EMX1: variants seen among roughly 807,000 people sequenced by gnomAD.
EMX1 encodes the protein empty spiracles homeobox 1, also known as homeobox protein EMX1.
EMX1 carries 10 observed loss-of-function variants against 20.1 expected under a neutral mutation model. The ratio of observed to expected loss-of-function variants is 0.50; its 90% CI spans 0.31 to 0.84. EMX1 has a LOEUF of 0.84. EMX1 is among the 40% of genes least tolerant of loss of function. The pLI, the probability that EMX1 is intolerant of heterozygous loss-of-function variation, is 0.05. For missense variants in EMX1, 424 were observed against 431.9 expected, an observed-to-expected ratio of 0.98 and a Z score of 0.16; for synonymous variants, 250 against 200.4, an observed-to-expected ratio of 1.25 and a Z score of -2.09.
intron 2 of EMX1, chr2:72,933,567 C>T (rs1379405772): frequency 3.5e-6 from 2 of 575,710 alleles, no homozygotes; most frequent in Admixed American, 6.2e-5. Flanking sequence ...CCACCCTTCT[C>T]TCTGGCCCAC....
chr2:72,931,759 C>A (rs1671289265), intron 2 of EMX1, among the ~76,000 whole-genome samples: 1 of 152,258 alleles, frequency 6.6e-6, no homozygotes, highest in African/African-American at 2.4e-5. Context: ...CGAGGCCGGG[C>A]ACCAACCCTT....
At chr2:72,916,784 G>A, upstream of EMX1, 1 of 717,346 alleles carries the variant, frequency 1.4e-6, no homozygotes, top group South Asian at 1.5e-5. Context: ...GAGCCTCAGA[G>A]AAGGCGAGGG....
chr2:72,931,347 A>G (rs10196456), intron 2 of EMX1, among the ~76,000 whole-genome samples: 49,012 of 152,134 alleles, frequency 0.32, 10,672 homozygotes, highest in African/African-American at 0.62. Flanking sequence ...TTGGAAATGC[A>G]TGTGGAAAGA....
chr2:72,917,727 C>T lies in EMX1; in HGVS notation c.-126C>T. The T allele has an allele frequency of 1.1e-6, 1 of 927,914 alleles. No individual in the cohort carries two copies. Among genetic ancestry groups the T allele is most frequent in the Non-Finnish European group, 1.4e-6 (1 of 726,018 alleles). The allele number at this position is 927,914 out of a possible 1,614,324, so 57.5% of individuals were successfully genotyped here. A position where few individuals can be genotyped will look rare whatever the true frequency, so the allele number is the denominator to read the frequency against. ...CGCCGCAGCAGCCGCCGCGCCTGGC[C>T]GTACGCTGTGGCCGGACCCCGCGGT... On this transcript the variant is annotated 5_prime_UTR_variant, in exon 1 of 3. Transcript: ENST00000258106.
intron 1 of EMX1, among the ~76,000 whole-genome samples, chr2:72,922,361 A>G (rs1050597025): frequency 2.0e-5 from 3 of 151,960 alleles, no homozygotes; most frequent in Non-Finnish European, 2.9e-5. Context: ...CAGGCTCCAT[A>G]TTTTTCTGCC....
At chr2:72,920,830 C>A (rs569251955) in intron 1 of EMX1, among the ~76,000 whole-genome samples, 1 of 152,314 alleles carries the variant, frequency 6.6e-6, no homozygotes, top group African/African-American at 2.4e-5. Flanking sequence ...CAGGAGTGGG[C>A]CGCATTTCGG....
chr2:72,925,809 C>G (rs2105267444), intron 2 of EMX1: 1 of 985,410 alleles, frequency 1.0e-6, no homozygotes, highest in East Asian at 1.1e-4. Context: ...CATCTATTGT[C>G]GTCATATCTG....
chr2:72,933,649 C>A, intron 2 of EMX1, 138 bp from the exon 3 acceptor site: 2 of 1,094,538 alleles, frequency 1.8e-6, no homozygotes, highest in Non-Finnish European at 1.3e-6. Context: ...TCAGAGGGGA[C>A]CCCGGCCTGG....
intron 2 of EMX1, among the ~76,000 whole-genome samples, chr2:72,927,056 G>A (rs115910010): frequency 4.3e-4 from 65 of 151,956 alleles, no homozygotes; most frequent in South Asian, 1.7e-3. Context: ...GTCCCACCCC[G>A]TAGCTGTTTT....
At chr2:72,919,590 A>T (rs1333373217) in intron 1 of EMX1, among the ~76,000 whole-genome samples, 2 of 152,202 alleles carry the variant, frequency 1.3e-5, no homozygotes, top group African/African-American at 2.4e-5. Context: ...ATCTCTTGAC[A>T]CTTTGACTTT....
At position 72,930,450 on chromosome 2, in the gene EMX1, C is replaced by A. The variant is rs561324416; in HGVS notation, c.706-3337C>A. ...AATGGAGACTTTTGGAAGGATGTGG[C>A]CTCTGAGAAACTGAGATGTTCACTT... On this transcript the variant is annotated intron_variant, in intron 2 of 2. Transcript: ENST00000258106. This position sits in a 1 kb window ranked among gnomAD's most constrained non-coding sequence, Gnocchi z 4.4. 2.6e-5 allele frequency among the ~76,000 whole-genome samples: 4 copies of A among 152,104 alleles called. No individual in the cohort carries two copies. Among genetic ancestry groups the A allele is most frequent in the African/African-American group, 9.7e-5 (4 of 41,418 alleles).
At chr2:72,918,679 C>T (rs922359943) in intron 1 of EMX1, among the ~76,000 whole-genome samples, 18 of 152,238 alleles carry the variant, frequency 1.2e-4, no homozygotes, top group Non-Finnish European at 2.4e-4. Context: ...GCCCAATTCT[C>T]TCTCCCAGCT....
intron 2 of EMX1, among the ~76,000 whole-genome samples, chr2:72,931,818 T>A (rs900301444): frequency 7.2e-5 from 11 of 152,250 alleles, no homozygotes; most frequent in Non-Finnish European, 1.3e-4. Context: ...AGGCACTGAA[T>A]GCCAGCTGCC....
upstream of EMX1, among the ~76,000 whole-genome samples, chr2:72,917,261 C>T (rs1670979938): frequency 6.6e-6 from 1 of 150,836 alleles, no homozygotes; most frequent in African/African-American, 2.4e-5. Flanking sequence ...CCAAGCCCTT[C>T]GGACGCCTTC....
chr2:72,933,963 A>C lies in EMX1; in HGVS notation c.*9A>C. ...TCACCTCCAATGACTAGGGTGGGCA[A>C]CCACAAACCCACGAGGGCAGAGTGC... On this transcript the variant is annotated 3_prime_UTR_variant, in exon 3 of 3. Transcript: ENST00000258106. 6.2e-7 allele frequency: 1 copy of C among 1,614,162 alleles called. No individual in the cohort carries two copies. Among genetic ancestry groups the C allele is most frequent in the Non-Finnish European group, 8.5e-7 (1 of 1,180,002 alleles).
chr2:72,924,491 C>A lies in EMX1; in HGVS notation c.703C>A (p.Gln235Lys). 2 of 1,581,894 alleles carry A rather than the reference C, an allele frequency of 1.3e-6. No individual in the cohort carries two copies. The highest frequency in any genetic ancestry group is 1.7e-6 in the Non-Finnish European group (2 of 1,168,294). The change falls in exon 2 of 3, where the codon CAG (glutamine) becomes AAG (lysine). Residue 235 changes from glutamine (Q) to lysine (K), a missense_variant and splice_region_variant. Around this residue, in one of 2 missense-constraint regions of EMX1, gnomAD observed 91 missense variants for 135.2 expected, o/e 0.67. Coordinates refer to ENST00000258106, the MANE Select transcript of EMX1 (RefSeq NM_004097.3). ...LAGSLSLSET[Q>K]VKVWFQNRRT... is the part of the protein sequence containing the mutation. ...CGGCAGTCTCAGCCTCTCCGAGACGCAGGTAATCACCCCCGGTCGCGGCCT... is the reference window on the plus strand; with the variant it reads ...CGGCAGTCTCAGCCTCTCCGAGACGAAGGTAATCACCCCCGGTCGCGGCCT...
At chr2:72,918,405 C>G (rs1432810904) in intron 1 of EMX1, 33 bp downstream of exon 1, 3 of 1,359,044 alleles carry the variant, frequency 2.2e-6, no homozygotes, top group South Asian at 1.8e-5. Context: ...CCGAGGCGGC[C>G]GGCCGGCGCC....
intron 1 of EMX1, among the ~76,000 whole-genome samples, chr2:72,919,314 CT>C (rs58745060): frequency 0.17 from 25,586 of 150,814 alleles, 2,400 homozygotes; most frequent in African/African-American, 0.22. Context: ...TTTTTCTTTT[CT>C]TTTTTTTTAA....
chr2:72,926,690 C>A (rs746097706), intron 2 of EMX1, among the ~76,000 whole-genome samples: 4 of 152,180 alleles, frequency 2.6e-5, no homozygotes, highest in Non-Finnish European at 5.9e-5. Flanking sequence ...ATTAAAGGTA[C>A]CTCATATGAG....
Sources: allele counts gnomAD v4.1 joint callset (sites outside exome capture counted in the v4.1 genomes callset), GRCh38; gene constraint gnomAD v4.1.1; regional missense constraint gnomAD v4.1.1; non-coding constraint Gnocchi (gnomAD v3.1); transcripts MANE v1.5; gene names NCBI Gene and HGNC (gene_info 2026-07-23, HGNC 2026-07-21).